STAG1: variants seen among roughly 807,000 people sequenced by gnomAD.
STAG1 encodes the protein STAG1 cohesin complex component.
STAG1 carries 26 observed loss-of-function variants against 170.9 expected under a neutral mutation model. That is an observed-to-expected ratio of 0.15 (90% CI 0.11 to 0.21). The LOEUF (loss-of-function observed/expected upper bound fraction) is 0.21, where lower values mean the gene tolerates loss of function less well. Ranked by LOEUF, STAG1 falls within the 10% of genes least tolerant of loss-of-function variation. The pLI, the probability that STAG1 is intolerant of heterozygous loss-of-function variation, is 1.00. For missense variants in STAG1, 964 were observed against 1,509.5 expected (o/e 0.64, Z 5.99); for synonymous variants, 514 against 497.7 (o/e 1.03, Z -0.44).
At chr3:136,579,623 T>C (rs1315560650) in intron 4 of STAG1, among the ~76,000 whole-genome samples, 1 of 152,234 alleles carries the variant, frequency 6.6e-6, no homozygotes, top group Non-Finnish European at 1.5e-5. Flanking sequence ...CAATGTGTCA[T>C]TTTATTCCAC....
At chr3:136,489,657 C>T (rs1463960258) in intron 9 of STAG1, among the ~76,000 whole-genome samples, 2 of 151,958 alleles carry the variant, frequency 1.3e-5, no homozygotes, top group African/African-American at 4.8e-5. Flanking sequence ...AAAAAAAAAT[C>T]ACATTTTCCA....
At chr3:136,430,909 C>CA (rs1559797099) in intron 16 of STAG1, among the ~76,000 whole-genome samples, 3 of 140,486 alleles carry the variant, frequency 2.1e-5, no homozygotes, top group Non-Finnish European at 4.7e-5. Flanking sequence ...TACATTCTTC[C>CA]TTTTTTTTTT....
At chr3:136,553,204 T>C (rs1008812325) in intron 5 of STAG1, among the ~76,000 whole-genome samples, 2 of 152,048 alleles carry the variant, frequency 1.3e-5, no homozygotes, top group Admixed American at 6.5e-5. Context: ...GGGATTGGCA[T>C]AGATAAAAAG....
intron 9 of STAG1, among the ~76,000 whole-genome samples, chr3:136,497,847 T>TC (rs1452885181): frequency 1.5e-5 from 2 of 129,936 alleles, no homozygotes; most frequent in African/African-American, 5.9e-5. Flanking sequence ...AGAGCGAGAC[T>TC]CATCTCAAAA....
At chr3:136,741,091 G>GTGAA (rs1270424796) in intron 1 of STAG1, among the ~76,000 whole-genome samples, 1 of 152,180 alleles carries the variant, frequency 6.6e-6, no homozygotes, top group African/African-American at 2.4e-5. Context: ...TAGTTATATA[G>GTGAA]TGAAGGGTCC....
intron 21 of STAG1, among the ~76,000 whole-genome samples, chr3:136,411,181 A>G (rs1038830455): frequency 6.6e-6 from 1 of 152,240 alleles, no homozygotes; most frequent in Non-Finnish European, 1.5e-5. Flanking sequence ...TCTATGGCAA[A>G]TACTATTTAC....
intron 1 of STAG1, among the ~76,000 whole-genome samples, chr3:136,722,684 T>C (rs1427224442): frequency 1.5e-5 from 2 of 134,640 alleles, no homozygotes; most frequent in East Asian, 2.6e-4. Flanking sequence ...TCTCCCCCCT[T>C]TCCCTCTCCC....
Position 136,452,153 on chromosome 3 carries a change from A to G in STAG1, c.1314-6T>C. Reference sequence around the variant, plus strand: ...GGTCATGTCTGCTAAATAGCCTGGAAATGAAAAACAGGGCATTGCAAAGTT... The same window carrying G: ...GGTCATGTCTGCTAAATAGCCTGGAGATGAAAAACAGGGCATTGCAAAGTT... On this transcript the variant is annotated splice_region_variant and splice_polypyrimidine_tract_variant and intron_variant, in intron 13 of 33. Transcript: ENST00000383202. The G allele has an allele frequency of 1.3e-6, 2 of 1,589,518 alleles. No homozygotes were observed. The highest frequency in any genetic ancestry group is 4.5e-5 in the East Asian group (2 of 44,610).
At chr3:136,357,003 A>G (rs1393330860) in intron 28 of STAG1, among the ~76,000 whole-genome samples, 1 of 151,498 alleles carries the variant, frequency 6.6e-6, no homozygotes, top group African/African-American at 2.4e-5. Flanking sequence ...GCTGGAGTGC[A>G]GTGGTGCGAT....
intron 22 of STAG1, among the ~76,000 whole-genome samples, chr3:136,385,990 C>G (rs1482084438): frequency 6.6e-6 from 1 of 152,138 alleles, no homozygotes; most frequent in Non-Finnish European, 1.5e-5. Flanking sequence ...GCATTAGCCA[C>G]CATGCTTAGC....
intron 16 of STAG1, among the ~76,000 whole-genome samples, chr3:136,430,827 A>ACACAC (rs2088280149): frequency 7.8e-6 from 1 of 128,298 alleles, no homozygotes; most frequent in East Asian, 2.0e-4. Context: ...ACACACACAC[A>ACACAC]CACACACACA....
intron 10 of STAG1, among the ~76,000 whole-genome samples, chr3:136,475,872 C>A (rs2089736234): frequency 6.6e-6 from 1 of 152,078 alleles, no homozygotes; most frequent in Non-Finnish European, 1.5e-5. Context: ...CCAAGTGTTG[C>A]CTCTTTGGAA....
intron 4 of STAG1, among the ~76,000 whole-genome samples, chr3:136,573,739 G>A (rs538139142): frequency 9.9e-5 from 15 of 152,268 alleles, no homozygotes; most frequent in Admixed American, 7.8e-4. Flanking sequence ...TTGGGAGGCC[G>A]AAGCGGGCGG....
chr3:136,732,648 C>T (rs1934107973), intron 1 of STAG1, among the ~76,000 whole-genome samples: 1 of 152,156 alleles, frequency 6.6e-6, no homozygotes, highest in Admixed American at 6.5e-5. Context: ...CTTGCTCTGT[C>T]ACCCAGGCTA....
intron 22 of STAG1, among the ~76,000 whole-genome samples, chr3:136,389,676 C>T (rs919722981): frequency 3.0e-4 from 46 of 152,112 alleles, no homozygotes; most frequent in African/African-American, 1.1e-3. Context: ...TGTGCCACCA[C>T]ATCTGGTTAA....
intron 1 of STAG1, among the ~76,000 whole-genome samples, chr3:136,739,503 CA>C (rs1165327249): frequency 2.8e-3 from 130 of 45,678 alleles, no homozygotes; most frequent in Admixed American, 4.0e-3. Context: ...CAGACTCCGT[CA>C]AAAAAAAAAA....
intron 1 of STAG1, among the ~76,000 whole-genome samples, chr3:136,725,342 A>C (rs1354425141): frequency 6.6e-6 from 1 of 152,168 alleles, no homozygotes. Flanking sequence ...CTATTTCTAA[A>C]ATCTGACTAG....
rs907767858 is a variant in STAG1, at chr3:136,732,236, C to CT, written c.-84+19958dup. Among the ~76,000 whole-genome samples the CT allele has an allele frequency of 2.0e-4, 17 of 84,874 alleles. No homozygotes were observed. In the South Asian group the frequency reaches 6.1e-3, roughly 30 times the overall value. 55.7% of individuals were successfully genotyped at this position (84,874 alleles called of 152,430 possible). A position where few individuals can be genotyped will look rare whatever the true frequency, so the allele number is the denominator to read the frequency against. ...ATAAAATCAAATCTTTTATCCACAA[C>CT]TAAAAAAAAAAAAAAAAAAAAAACA... On this transcript the variant is annotated intron_variant, in intron 1 of 33. Transcript: ENST00000383202.
chr3:136,703,542 A>G (rs190477492), intron 1 of STAG1, among the ~76,000 whole-genome samples: 155 of 152,344 alleles, frequency 1.0e-3, no homozygotes, highest in African/African-American at 3.3e-3. Context: ...TAAAACACAG[A>G]AAACTTTTTT....
Sources: allele counts gnomAD v4.1 joint callset (sites outside exome capture counted in the v4.1 genomes callset), GRCh38; gene constraint gnomAD v4.1.1; transcripts MANE v1.5; gene names NCBI Gene and HGNC (gene_info 2026-07-23, HGNC 2026-07-21).